Variants in ATG7 observed in about 807,000 individuals in gnomAD.
The protein encoded by ATG7 is autophagy related 7.
In ATG7, 70 loss-of-function variants were observed where a neutral mutation model predicts 82.4. The ratio of observed to expected loss-of-function variants is 0.85; its 90% CI spans 0.70 to 1.04. The LOEUF is 1.04. ATG7 is among the 50% of genes least tolerant of loss of function. ATG7 has a pLI of 0.00. For synonymous variants in ATG7, 287 were observed against 313.0 expected (o/e 0.92, Z 0.88); for missense variants, 792 against 864.3 (o/e 0.92, Z 1.05).
chr3:11,554,936 T>G lies in ATG7; in HGVS notation c.*93T>G. ...GACTGCTGACCCCAGGCCTGGTGAT[T>G]CTGGGCCCCTCCTCCATACCCCGAG... On this transcript the variant is annotated 3_prime_UTR_variant, in exon 21 of 21. Transcript: ENST00000693202. 1 of 1,470,414 alleles carries G rather than the reference T, an allele frequency of 6.8e-7. No homozygotes were observed. The highest frequency in any genetic ancestry group is 9.2e-7 in the Non-Finnish European group (1 of 1,088,298). 91.1% of individuals were successfully genotyped at this position (1,470,414 alleles called of 1,614,324 possible). A position where few individuals can be genotyped will look rare whatever the true frequency, so the allele number is the denominator to read the frequency against.
intron 20 of ATG7, among the ~76,000 whole-genome samples, chr3:11,530,271 GCT>G (rs1224394930): frequency 1.3e-5 from 2 of 152,204 alleles, no homozygotes; most frequent in African/African-American, 4.8e-5. Context: ...GCAGTGGCAT[GCT>G]CTCAGAGGAA....
At chr3:11,544,477 C>T (rs2071102907) in intron 20 of ATG7, among the ~76,000 whole-genome samples, 2 of 152,246 alleles carry the variant, frequency 1.3e-5, no homozygotes, top group African/African-American at 2.4e-5. Context: ...GCTGTGTGTC[C>T]CTGTGGCCTC....
chr3:11,558,475 A>ATTTTT, downstream of ATG7: 1 of 789,786 alleles, frequency 1.3e-6, no homozygotes, highest in Non-Finnish European at 1.8e-6. Flanking sequence ...CACCCCCATG[A>ATTTTT]TTTTTTTTTT....
chr3:11,319,066 A>G (rs1949854199), intron 9 of ATG7, among the ~76,000 whole-genome samples: 1 of 152,212 alleles, frequency 6.6e-6, no homozygotes, highest in South Asian at 2.1e-4. Context: ...ATTTAGTGCA[A>G]TGCTGGACAC....
the ATG7 span, among the ~76,000 whole-genome samples, chr3:11,573,908 T>C: frequency 7.9e-5 from 12 of 152,306 alleles, no homozygotes; most frequent in East Asian, 2.3e-3. Flanking sequence ...CCAATGTGAC[T>C]GGTGTCCTAT....
intron 2 of ATG7, 121 bp downstream of exon 2, chr3:11,281,223 A>G (rs978643594): frequency 6.6e-6 from 1 of 152,244 alleles, no homozygotes; most frequent in Non-Finnish European, 1.5e-5. Context: ...GGCCACATCA[A>G]AGGGGGTTCC....
At chr3:11,562,635 GC>G (rs2073124589), downstream of ATG7, among the ~76,000 whole-genome samples, 1 of 152,230 alleles carries the variant, frequency 6.6e-6, no homozygotes, top group African/African-American at 2.4e-5. Flanking sequence ...GGATTGGTGT[GC>G]ATGGCCTCAG....
At chr3:11,535,090 G>T (rs961341469) in intron 20 of ATG7, among the ~76,000 whole-genome samples, 2 of 152,266 alleles carry the variant, frequency 1.3e-5, no homozygotes, top group South Asian at 4.1e-4. Flanking sequence ...AGGCCCAGCG[G>T]ATTCTTCCTA....
chr3:11,561,316 A>G (rs2072977409), downstream of ATG7, among the ~76,000 whole-genome samples: 1 of 152,048 alleles, frequency 6.6e-6, no homozygotes, highest in African/African-American at 2.4e-5. Flanking sequence ...CAAGGCAGGA[A>G]AGGCCACTTC....
intron 20 of ATG7, among the ~76,000 whole-genome samples, chr3:11,464,392 T>C (rs1307190470): frequency 2.6e-5 from 4 of 152,132 alleles, no homozygotes; most frequent in Admixed American, 1.3e-4. Flanking sequence ...AATTAAAAAA[T>C]TATGTATTCA....
the ATG7 span, among the ~76,000 whole-genome samples, chr3:11,564,102 G>T: frequency 8.5e-5 from 13 of 152,338 alleles, no homozygotes; most frequent in East Asian, 2.5e-3. Context: ...GCAGTCCCTG[G>T]AGATTCGGAG....
At chr3:11,463,922 AAGC>A (rs2086583179) in intron 20 of ATG7, among the ~76,000 whole-genome samples, 1 of 152,200 alleles carries the variant, frequency 6.6e-6, no homozygotes, top group Non-Finnish European at 1.5e-5. Flanking sequence ...GTGGGGGAAA[AAGC>A]AGTTTCCATA....
intron 19 of ATG7, among the ~76,000 whole-genome samples, chr3:11,420,535 T>A (rs774019534): frequency 2.0e-5 from 3 of 152,190 alleles, no homozygotes; most frequent in Non-Finnish European, 4.4e-5. Context: ...TGTTCTTTTG[T>A]CTTACTGGAA....
In ATG7 at chr3:11,477,400, G is replaced by A. The variant is rs548663906; in HGVS notation, c.2079+50474G>A. 9.3e-6 allele frequency: 7 copies of A among 755,882 alleles called. No individual in the cohort carries two copies. In the East Asian group the frequency reaches 6.3e-4, roughly 68 times the overall value. The allele number at this position is 755,882 out of a possible 1,614,324, so 46.8% of individuals were successfully genotyped here. A position where few individuals can be genotyped will look rare whatever the true frequency, so the allele number is the denominator to read the frequency against. On this transcript the variant is annotated intron_variant, in intron 20 of 20. Coordinates refer to ENST00000693202, the MANE Select transcript of ATG7 (RefSeq NM_001349232.2). Reference sequence around the variant, plus strand: ...TGTGAAATGCTAAATGGATAGAAGTGTATTTATATAATTCTATTTCTTTTA... The same window carrying A: ...TGTGAAATGCTAAATGGATAGAAGTATATTTATATAATTCTATTTCTTTTA...
chr3:11,475,195 A>G (rs1419395698), intron 20 of ATG7, among the ~76,000 whole-genome samples: 2 of 152,136 alleles, frequency 1.3e-5, no homozygotes, highest in Admixed American at 6.5e-5. Flanking sequence ...CCTAAAGCTA[A>G]TGATGTGTAA....
chr3:11,286,189 C>T (rs2152657483), intron 3 of ATG7, among the ~76,000 whole-genome samples: 1 of 152,328 alleles, frequency 6.6e-6, no homozygotes, highest in South Asian at 2.1e-4. Flanking sequence ...ACTTTAATCT[C>T]TTCATTAAAA....
chr3:11,333,271 G>A (rs1951908820), intron 11 of ATG7, among the ~76,000 whole-genome samples, 178 bp downstream of exon 11: 1 of 152,124 alleles, frequency 6.6e-6, no homozygotes, highest in African/African-American at 2.4e-5. Flanking sequence ...TATTCAGACT[G>A]GAACAAAGGC....
chr3:11,526,693 T>C (rs1289861566), intron 20 of ATG7, among the ~76,000 whole-genome samples: 1 of 152,184 alleles, frequency 6.6e-6, no homozygotes, highest in Non-Finnish European at 1.5e-5. Context: ...ATAACAATAG[T>C]TTATACTCTT....
intron 20 of ATG7, among the ~76,000 whole-genome samples, chr3:11,532,827 G>A (rs985221124): frequency 6.6e-6 from 1 of 152,246 alleles, no homozygotes; most frequent in African/African-American, 2.4e-5. Context: ...GATGTCGTTA[G>A]CATGGTGCCT....
Sources: gnomAD v4.1 joint callset for allele counts (sites outside exome capture counted in the v4.1 genomes callset) on GRCh38, gnomAD v4.1.1 for gene constraint, MANE v1.5 for transcripts, NCBI Gene and HGNC (gene_info 2026-07-23, HGNC 2026-07-21) for gene names.